ROBO2: variants seen among roughly 807,000 people sequenced by gnomAD.
ROBO2 encodes roundabout homolog 2.
A neutral mutation model predicts 160.8 loss-of-function variants in ROBO2; 53 were observed. That is an observed-to-expected ratio of 0.33 (90% CI 0.26 to 0.41). ROBO2 has a LOEUF of 0.41. Ranked by LOEUF, ROBO2 falls within the 10% of genes least tolerant of loss-of-function variation. The pLI is 1.00. For missense variants in ROBO2, 1,577 were observed against 1,722.4 expected (o/e 0.92, Z 1.49); for synonymous variants, 664 against 611.7 (o/e 1.09, Z -1.26).
At chr3:76,607,066 G>C (rs1411678048) in intron 2 of ROBO2, among the ~76,000 whole-genome samples, 1 of 152,114 alleles carries the variant, frequency 6.6e-6, no homozygotes, top group Non-Finnish European at 1.5e-5. Context: ...TTTTAAAGAT[G>C]GGATCTTGCT....
At chr3:77,025,978 C>T (rs1341000829) in intron 2 of ROBO2, among the ~76,000 whole-genome samples, 2 of 152,166 alleles carry the variant, frequency 1.3e-5, no homozygotes, top group East Asian at 1.9e-4. Context: ...GCATTCATTA[C>T]GATTGCCACC....
In ROBO2 at chr3:77,293,287, A is replaced by T. The variant is rs181098402; in HGVS notation, c.389-184127A>T. On this transcript the variant is annotated intron_variant, in intron 2 of 25. Transcript: ENST00000461745. The stretch of plus-strand genomic sequence containing the variant: ...AGGTAAGCTGAGGCTAGATCACCAA[A>T]GACATAAAGTAAAATTGATGGTTAA... 2.1e-3 allele frequency among the ~76,000 whole-genome samples: 324 copies of T among 151,088 alleles called. 1 individual carries two copies. Among genetic ancestry groups the T allele is most frequent in the Admixed American group, 4.4e-3 (66 of 15,126 alleles).
chr3:77,266,639 A>G (rs2059142612), intron 2 of ROBO2, among the ~76,000 whole-genome samples: 1 of 152,100 alleles, frequency 6.6e-6, no homozygotes, highest in African/African-American at 2.4e-5. Flanking sequence ...TTGGACCAGG[A>G]AGACTTCTGT....
intron 2 of ROBO2, among the ~76,000 whole-genome samples, chr3:76,825,370 A>C (rs2066475275): frequency 6.6e-6 from 1 of 152,160 alleles, no homozygotes; most frequent in Non-Finnish European, 1.5e-5. Context: ...ACTGAATGAG[A>C]TGAAAAAAGT....
In ROBO2 at chr3:76,331,533, C is replaced by T. The variant is rs368400553; in HGVS notation, c.109+393931C>T. ...ATTTCCTTTATGCCTCTAGATTCCT[C>T]TGTTTGGTTTTAACGACATAATTTG... On this transcript the variant is annotated intron_variant, in intron 2 of 26. Transcript: ENST00000487694. 1.4e-4 allele frequency among the ~76,000 whole-genome samples: 22 copies of T among 151,922 alleles called. No homozygotes were observed. In the East Asian group the frequency reaches 1.7e-3, roughly 12 times the overall value.
chr3:76,065,703 A>G (rs1376521085), intron 2 of ROBO2, among the ~76,000 whole-genome samples: 1 of 129,240 alleles, frequency 7.7e-6, no homozygotes, highest in Non-Finnish European at 1.6e-5. Flanking sequence ...TCATATACCA[A>G]TTTTTAAACT....
chr3:76,354,840 A>G (rs1158140746), intron 2 of ROBO2, among the ~76,000 whole-genome samples: 1 of 151,876 alleles, frequency 6.6e-6, no homozygotes, highest in Non-Finnish European at 1.5e-5. Flanking sequence ...CATACCTGCC[A>G]TGGACTTTTT....
intron 2 of ROBO2, among the ~76,000 whole-genome samples, chr3:76,703,715 A>G (rs2093095305): frequency 6.6e-6 from 1 of 152,110 alleles, no homozygotes; most frequent in Non-Finnish European, 1.5e-5. Context: ...ATGGTTGTGT[A>G]GTATTCTATG....
At chr3:76,472,570 G>T (rs773862819) in intron 2 of ROBO2, among the ~76,000 whole-genome samples, 3 of 152,054 alleles carry the variant, frequency 2.0e-5, no homozygotes, top group Non-Finnish European at 2.9e-5. Context: ...TATGTCAATT[G>T]CTTTAATAAC....
chr3:77,306,571 T>C (rs2063113504), intron 2 of ROBO2, among the ~76,000 whole-genome samples: 1 of 152,144 alleles, frequency 6.6e-6, no homozygotes, highest in Admixed American at 6.5e-5. Flanking sequence ...CTTAAAGAGG[T>C]AAGTTCACTA....
chr3:76,455,819 A>C (rs1017997503), intron 2 of ROBO2, among the ~76,000 whole-genome samples: 1 of 152,184 alleles, frequency 6.6e-6, no homozygotes, highest in African/African-American at 2.4e-5. Flanking sequence ...CAATTCATTA[A>C]GCAAATGAAT....
At chr3:76,851,506 C>T (rs1577039135) in intron 2 of ROBO2, among the ~76,000 whole-genome samples, 1 of 151,546 alleles carries the variant, frequency 6.6e-6, no homozygotes, top group African/African-American at 2.4e-5. Context: ...GAGGCCGAGG[C>T]GGGTGGATCA....
chr3:76,148,004 A>G (rs918456447), intron 2 of ROBO2, among the ~76,000 whole-genome samples: 3 of 152,040 alleles, frequency 2.0e-5, no homozygotes, highest in Non-Finnish European at 4.4e-5. Context: ...ATTCTAGGAT[A>G]ATAGGCACCA....
At chr3:76,722,288 AT>A (rs1207523605) in intron 2 of ROBO2, among the ~76,000 whole-genome samples, 7 of 152,094 alleles carry the variant, frequency 4.6e-5, no homozygotes, top group Middle Eastern at 3.4e-3. Flanking sequence ...CGCCTGGCTA[AT>A]TTTTGTATTT....
At position 77,087,614 on chromosome 3, in the gene ROBO2, C is replaced by A. The variant is rs1253879612; in HGVS notation, c.62-10400C>A. ...GTAATTTGTTATTAAGAGGAAAATCCCCCCTAACAGTTTTCTAGAAACCTT... is the reference window on the plus strand; with the variant it reads ...GTAATTTGTTATTAAGAGGAAAATCACCCCTAACAGTTTTCTAGAAACCTT... On this transcript the variant is annotated intron_variant, in intron 1 of 25. Transcript: ENST00000461745. 2.6e-5 allele frequency among the ~76,000 whole-genome samples: 4 copies of A among 151,846 alleles called. No individual in the cohort carries two copies. In the East Asian group the frequency reaches 5.8e-4, roughly 22 times the overall value.
At chr3:76,538,953 A>C (rs1479760901) in intron 2 of ROBO2, among the ~76,000 whole-genome samples, 1 of 152,186 alleles carries the variant, frequency 6.6e-6, no homozygotes, top group African/African-American at 2.4e-5. Context: ...CCAAATGCTC[A>C]ACAATGATAG....
At position 76,932,476 on chromosome 3, in the gene ROBO2, T is replaced by G. The variant is rs185929659; in HGVS notation, c.110-165538T>G. On this transcript the variant is annotated intron_variant, in intron 2 of 26. Transcript: ENST00000487694. ...TCACAAATCTATGCTGCAGCTGTAATCCTCAGTGATTTATGTAATGCCTCC... is the reference window on the plus strand; with the variant it reads ...TCACAAATCTATGCTGCAGCTGTAAGCCTCAGTGATTTATGTAATGCCTCC... Among the ~76,000 whole-genome samples, 97 of 152,070 alleles carry G rather than the reference T, an allele frequency of 6.4e-4. 1 individual carries two copies. The highest frequency in any genetic ancestry group is 8.2e-4 in the Non-Finnish European group (56 of 67,968).
At chr3:76,576,347 A>G (rs1455536916) in intron 2 of ROBO2, among the ~76,000 whole-genome samples, 2 of 152,114 alleles carry the variant, frequency 1.3e-5, no homozygotes, top group African/African-American at 4.8e-5. Context: ...GTGCCTCTTC[A>G]CATGGAGGAT....
At chr3:75,930,198 G>A (rs1409771880) in intron 1 of ROBO2, among the ~76,000 whole-genome samples, 1 of 151,962 alleles carries the variant, frequency 6.6e-6, no homozygotes, top group African/African-American at 2.4e-5. Context: ...ATAAGGGTAT[G>A]TGCCACCAGG....
Sources: gnomAD v4.1 joint callset for allele counts (sites outside exome capture counted in the v4.1 genomes callset) on GRCh38, gnomAD v4.1.1 for gene constraint, MANE v1.5 for transcripts, NCBI Gene and HGNC (gene_info 2026-07-23, HGNC 2026-07-21) for gene names.